VASH2: variants seen among roughly 807,000 people sequenced by gnomAD.
VASH2 encodes the protein vasohibin 2, also known as tubulinyl-Tyr carboxypeptidase 2.
VASH2 carries 28 observed loss-of-function variants against 37.2 expected under a neutral mutation model. The observed-to-expected ratio is 0.75, with a 90% CI of 0.56 to 1.03. The LOEUF (loss-of-function observed/expected upper bound fraction) is 1.03, where lower values mean the gene tolerates loss of function less well. VASH2 is among the 50% of genes least tolerant of loss of function. VASH2 has a pLI of 0.00. For synonymous variants in VASH2, 188 were observed against 174.7 expected (o/e 1.08, Z -0.60); for missense variants, 419 against 459.1 (o/e 0.91, Z 0.80).
Position 212,971,165 on chromosome 1 carries a change from A to G in VASH2, c.498-1415A>G, listed in dbSNP as rs559240739. ...AGGCTGAATAAATTCTATTACATGT[A>G]TACACTACATTTTGTTCATCCCTTT... On this transcript the variant is annotated intron_variant, in intron 5 of 7. Transcript: ENST00000517399. This position sits in a 1 kb window ranked among gnomAD's most constrained non-coding sequence, Gnocchi z 4.0. 5.3e-5 allele frequency among the ~76,000 whole-genome samples: 8 copies of G among 152,174 alleles called. No individual in the cohort carries two copies. Among genetic ancestry groups the G allele is most frequent in the African/African-American group, 1.4e-4 (6 of 41,436 alleles).
In VASH2 at chr1:212,990,225, G is replaced by A. The variant is rs997840426; in HGVS notation, c.*1641G>A. 1 of 152,148 alleles carries A rather than the reference G, an allele frequency of 6.6e-6. No homozygotes were observed. The highest frequency in any genetic ancestry group is 1.5e-5 in the Non-Finnish European group (1 of 68,024). 9.4% of individuals were successfully genotyped at this position (152,148 alleles called of 1,614,324 possible). A position where few individuals can be genotyped will look rare whatever the true frequency, so the allele number is the denominator to read the frequency against. On this transcript the variant is annotated 3_prime_UTR_variant, in exon 8 of 8. Transcript: ENST00000517399. The stretch of plus-strand genomic sequence containing the variant: ...AAAGTACTGTTTTCTTAAAGAAGTC[G>A]AATGTCCTTTAGATGAACAAGACCA...
intron 2 of VASH2, among the ~76,000 whole-genome samples, chr1:212,956,949 C>G (rs1666515827): frequency 6.6e-6 from 1 of 152,166 alleles, no homozygotes; most frequent in African/African-American, 2.4e-5. Context: ...TGTTGTGCAG[C>G]CATCACCACC....
At position 212,967,034 on chromosome 1, in the gene VASH2, C is replaced by T. The variant is rs896571032; in HGVS notation, c.497+689C>T. ...TGTTGAGATTAGAGGCAGGAGCCAT[C>T]GCGCCTGGCTCGCCAGGGAAAATTC... On this transcript the variant is annotated intron_variant, in intron 5 of 7. Coordinates refer to ENST00000517399, the MANE Select transcript of VASH2 (RefSeq NM_001301056.2). 10 of 1,183,296 alleles carry T rather than the reference C, an allele frequency of 8.5e-6. No homozygotes were observed. In the Admixed American group the frequency reaches 1.2e-4, roughly 14 times the overall value. 73.3% of individuals were successfully genotyped at this position (1,183,296 alleles called of 1,614,324 possible).
At chr1:212,972,536 AT>A in intron 5 of VASH2, 43 bp from the exon 6 acceptor site, 1 of 1,588,476 alleles carries the variant, frequency 6.3e-7, no homozygotes, top group East Asian at 2.2e-5. Context: ...CAGGCTTCAA[AT>A]TTTCAAGGCC....
rs74664283 is a variant in VASH2 at position 212,965,628 on chromosome 1, A to C, written c.366-94A>C. ...GACTTCTGAAAGCCCTCACATCCTC[A>C]TCTCATTGAGAAATCAGAATGCATA... is the stretch of plus-strand genomic sequence containing the variant. On this transcript the variant is annotated intron_variant, in intron 3 of 7. Coordinates refer to ENST00000517399, the MANE Select transcript of VASH2 (RefSeq NM_001301056.2). The C allele has an allele frequency of 6.1e-3, 7,299 of 1,201,536 alleles. 315 individuals carry two copies. In the African/African-American group the frequency reaches 0.098, roughly 16 times the overall value. The allele number at this position is 1,201,536 out of a possible 1,614,324, so 74.4% of individuals were successfully genotyped here.
At chr1:212,980,318 G>C (rs1233646307) in intron 7 of VASH2, among the ~76,000 whole-genome samples, 1 of 152,172 alleles carries the variant, frequency 6.6e-6, no homozygotes, top group Non-Finnish European at 1.5e-5. Flanking sequence ...CTTCTCAATG[G>C]AGGCCAGTGT....
intron 6 of VASH2, 102 bp from the exon 7 acceptor site, chr1:212,973,853 G>T: frequency 6.8e-7 from 1 of 1,474,750 alleles, no homozygotes; most frequent in Non-Finnish European, 9.0e-7. Context: ...CTAAACCATG[G>T]CATCATGATT....
chr1:212,972,211 G>A (rs527956027), intron 5 of VASH2, among the ~76,000 whole-genome samples: 2 of 152,338 alleles, frequency 1.3e-5, no homozygotes, highest in African/African-American at 4.8e-5. Flanking sequence ...AGGGAGGCAA[G>A]ACACCCAGGA....
chr1:212,973,464 C>T (rs1279677829), intron 6 of VASH2: 1 of 1,291,014 alleles, frequency 7.7e-7, no homozygotes, highest in South Asian at 1.2e-5. Flanking sequence ...ATGCTGACTT[C>T]AGGCCTGGCT....
rs1237021315 is a variant in VASH2 at position 212,951,482 on chromosome 1, CGCCGCCGCCGCT to C, written c.-49_-38del. The C allele has an allele frequency of 1.4e-5, 16 of 1,123,256 alleles. No homozygotes were observed. The highest frequency in any genetic ancestry group is 3.6e-4 in the Middle Eastern group (1 of 2,764). 69.6% of individuals were successfully genotyped at this position (1,123,256 alleles called of 1,614,324 possible). A position where few individuals can be genotyped will look rare whatever the true frequency, so the allele number is the denominator to read the frequency against. On this transcript the variant is annotated 5_prime_UTR_variant, in exon 2 of 8. Transcript: ENST00000517399. The surrounding 1 kb of genome is among the most constrained non-coding windows in gnomAD (Gnocchi z 4.4). ...GCGCCCGCGCGCACACGCCCCCCGCCGCCGCCGCCGCTGCCGCCGCCGCGCGCCCCCAGTACC... is the reference window on the plus strand; with the variant it reads ...GCGCCCGCGCGCACACGCCCCCCGCCGCCGCCGCCGCGCGCCCCCAGTACC...
At chr1:212,956,467 G>A (rs572810626) in intron 2 of VASH2, among the ~76,000 whole-genome samples, 3 of 152,342 alleles carry the variant, frequency 2.0e-5, no homozygotes, top group Admixed American at 1.3e-4. Flanking sequence ...AACGTAGGCA[G>A]CAGGTGGTGA....
rs942600991 is a variant in VASH2, at chr1:212,973,296, A to AT, written c.879+339dup. On this transcript the variant is annotated intron_variant, in intron 6 of 7. Coordinates refer to ENST00000517399, the MANE Select transcript of VASH2 (RefSeq NM_001301056.2). ...ACTGCGGGTTTTCCCAGGACATGAG[A>AT]TTTTCAGTATTAAAACCTGGAAAAC... is the stretch of plus-strand genomic sequence containing the variant. 5.7e-6 allele frequency: 6 copies of AT among 1,051,506 alleles called. No individual in the cohort carries two copies. In the African/African-American group the frequency reaches 9.9e-5, roughly 17 times the overall value. The allele number at this position is 1,051,506 out of a possible 1,614,324, so 65.1% of individuals were successfully genotyped here.
intron 6 of VASH2, among the ~76,000 whole-genome samples, 193 bp downstream of exon 6, chr1:212,973,154 G>A (rs536984259): frequency 4.1e-4 from 63 of 152,202 alleles, no homozygotes; most frequent in Admixed American, 3.5e-3. Flanking sequence ...ACAATGTCTC[G>A]TCCTGCAATT....
chr1:212,972,546 C>A (rs746686289), intron 5 of VASH2, 34 bp from the exon 6 acceptor site: 2 of 1,591,342 alleles, frequency 1.3e-6, no homozygotes, highest in East Asian at 2.2e-5. Context: ...ATTTTCAAGG[C>A]CTCCTTTCTC....
chr1:212,973,755 G>C, intron 6 of VASH2, 200 bp from the exon 7 acceptor site: 1 of 1,365,196 alleles, frequency 7.3e-7, no homozygotes, highest in Non-Finnish European at 9.5e-7. Flanking sequence ...CTTGGAAGTG[G>C]TGCCCTTGCT....
chr1:212,953,140 C>CT (rs1161072414), intron 2 of VASH2, among the ~76,000 whole-genome samples: 1 of 152,184 alleles, frequency 6.6e-6, no homozygotes, highest in African/African-American at 2.4e-5. Flanking sequence ...CCTGTTCCTA[C>CT]TGTCCCATGC....
rs962968161 is a variant in VASH2 at position 212,989,488 on chromosome 1, G to A, written c.*904G>A. 7 of 152,124 alleles carry A rather than the reference G, an allele frequency of 4.6e-5. No individual in the cohort carries two copies. Among genetic ancestry groups the A allele is most frequent in the African/African-American group, 1.7e-4 (7 of 41,416 alleles). 9.4% of individuals were successfully genotyped at this position (152,124 alleles called of 1,614,324 possible). ...ACCAGGAGTGATCAGCAGGTCTTCAGAACCAAAAAACCTTTCTGTTCACAT... is the reference window on the plus strand; with the variant it reads ...ACCAGGAGTGATCAGCAGGTCTTCAAAACCAAAAAACCTTTCTGTTCACAT... On this transcript the variant is annotated 3_prime_UTR_variant, in exon 8 of 8. Coordinates refer to ENST00000517399, the MANE Select transcript of VASH2 (RefSeq NM_001301056.2).
At chr1:212,959,535 C>T (rs1383073933) in intron 2 of VASH2, among the ~76,000 whole-genome samples, 1 of 152,194 alleles carries the variant, frequency 6.6e-6, no homozygotes, top group African/African-American at 2.4e-5. Context: ...GAGGCAGTTG[C>T]TGTGAAGTAG....
chr1:212,957,742 C>A (rs574479904), intron 2 of VASH2, among the ~76,000 whole-genome samples: 2 of 151,844 alleles, frequency 1.3e-5, no homozygotes, highest in South Asian at 4.2e-4. Flanking sequence ...TGCCAAGTAG[C>A]TGGGTTTACA....
Sources: gnomAD v4.1 joint callset for allele counts (sites outside exome capture counted in the v4.1 genomes callset) on GRCh38, gnomAD v4.1.1 for gene constraint, Gnocchi (gnomAD v3.1) non-coding constraint, MANE v1.5 for transcripts, NCBI Gene and HGNC (gene_info 2026-07-23, HGNC 2026-07-21) for gene names.